Variants in TENM4 observed in about 807,000 individuals in gnomAD.
The protein encoded by TENM4 is teneurin transmembrane protein 4.
A neutral mutation model predicts 243.3 loss-of-function variants in TENM4; 82 were observed. The observed-to-expected ratio is 0.34, with a 90% confidence interval of 0.28 to 0.40. The LOEUF is 0.40. TENM4 is among the 10% of genes least tolerant of loss of function. The probability of loss-of-function intolerance (pLI) is 1.00; values close to 1 mark genes in which losing one functional copy is unlikely to be tolerated. For missense variants in TENM4, 3,138 were observed against 3,673.3 expected (o/e 0.85, Z 3.77); for synonymous variants, 1,412 against 1,456.3 (o/e 0.97, Z 0.69).
intron 6 of TENM4, among the ~76,000 whole-genome samples, chr11:78,929,841 C>T (rs775020781): frequency 1.1e-4 from 16 of 152,298 alleles, no homozygotes; most frequent in Middle Eastern, 6.8e-3. Flanking sequence ...AAAACAAAGC[C>T]TTCTCTGCTG....
chr11:79,413,066 A>G (rs1858736089), intron 1 of TENM4, among the ~76,000 whole-genome samples: 1 of 152,260 alleles, frequency 6.6e-6, no homozygotes, highest in Non-Finnish European at 1.5e-5. Context: ...AGGCCATCAA[A>G]TCAGGCTACT....
intron 2 of TENM4, among the ~76,000 whole-genome samples, chr11:79,229,729 T>G (rs1338352864): frequency 1.3e-5 from 2 of 152,230 alleles, no homozygotes; most frequent in Non-Finnish European, 2.9e-5. Context: ...TGGTCTGTTT[T>G]GTTTATTGCT....
rs191432800 is a variant in TENM4 at position 79,380,718 on chromosome 11, G to T, written c.-321+59791C>A. The stretch of plus-strand genomic sequence containing the variant: ...CGCTTTTGTAGCCAAGCACTCCAAG[G>T]ATGCTTGTTCCAGGAAACAGATTTT... On this transcript the variant is annotated intron_variant, in intron 1 of 33. Transcript: ENST00000278550. 2.8e-4 allele frequency among the ~76,000 whole-genome samples: 43 copies of T among 152,280 alleles called. No homozygotes were observed. In the East Asian group the frequency reaches 8.3e-3, roughly 29 times the overall value.
intron 6 of TENM4, among the ~76,000 whole-genome samples, chr11:78,969,137 G>C (rs537935984): frequency 3.9e-5 from 6 of 152,164 alleles, no homozygotes; most frequent in African/African-American, 1.4e-4. Flanking sequence ...TATTGATTTC[G>C]TCTGCCATCT....
At chr11:79,216,085 C>A (rs1203863714) in intron 2 of TENM4, among the ~76,000 whole-genome samples, 176 bp from the exon 3 acceptor site, 3 of 152,206 alleles carry the variant, frequency 2.0e-5, no homozygotes, top group Non-Finnish European at 2.9e-5. Context: ...CCTGCAAATC[C>A]CACACAGATG....
chr11:78,937,610 T>C (rs1856812808), intron 6 of TENM4, among the ~76,000 whole-genome samples: 1 of 152,194 alleles, frequency 6.6e-6, no homozygotes, highest in Admixed American at 6.5e-5. Flanking sequence ...AGGAGGCCAT[T>C]GGTTTGGACT....
chr11:79,316,478 G>A (rs776238378), intron 1 of TENM4, among the ~76,000 whole-genome samples: 4 of 152,174 alleles, frequency 2.6e-5, no homozygotes, highest in East Asian at 1.9e-4. Flanking sequence ...GCTAACAAGC[G>A]TACCCAGTTG....
At chr11:79,321,218 A>G (rs980551427) in intron 1 of TENM4, among the ~76,000 whole-genome samples, 3 of 152,106 alleles carry the variant, frequency 2.0e-5, no homozygotes, top group African/African-American at 7.2e-5. Context: ...ACACACCAGG[A>G]CTCCTGGATA....
chr11:78,672,009 T>TA, intron 31 of TENM4, 24 bp downstream of exon 31: 1 of 1,599,210 alleles, frequency 6.3e-7, no homozygotes, highest in Non-Finnish European at 8.5e-7. Flanking sequence ...GCAAGGCCAG[T>TA]GATGCAGGGA....
intron 25 of TENM4, among the ~76,000 whole-genome samples, chr11:78,715,321 G>A (rs1486719504): frequency 2.6e-5 from 4 of 152,150 alleles, no homozygotes; most frequent in Admixed American, 2.6e-4. Context: ...GCTCTGAGGC[G>A]GGGTGATTTT....
intron 2 of TENM4, among the ~76,000 whole-genome samples, chr11:79,216,182 G>T (rs1315940830): frequency 6.6e-6 from 1 of 152,156 alleles, no homozygotes; most frequent in East Asian, 1.9e-4. Context: ...TAATGGTCTT[G>T]CCTTAAAATA....
chr11:79,033,052 T>C (rs1027556407), intron 6 of TENM4, among the ~76,000 whole-genome samples: 1 of 152,120 alleles, frequency 6.6e-6, no homozygotes, highest in Non-Finnish European at 1.5e-5. Context: ...CTGGAGACTG[T>C]TCCTGCAGCA....
chr11:78,815,215 A>G (rs1345421842), intron 12 of TENM4, among the ~76,000 whole-genome samples: 1 of 152,026 alleles, frequency 6.6e-6, no homozygotes, highest in Non-Finnish European at 1.5e-5. Flanking sequence ...GTGAATCCCC[A>G]TCTCTACTAA....
intron 24 of TENM4, among the ~76,000 whole-genome samples, chr11:78,720,835 T>A (rs1859631072): frequency 6.6e-6 from 1 of 151,708 alleles, no homozygotes; most frequent in Non-Finnish European, 1.5e-5. Context: ...CACAATAGAA[T>A]ACAGAATTGG....
At chr11:78,785,054 TG>T (rs67978478) in intron 16 of TENM4, among the ~76,000 whole-genome samples, 74,356 of 131,840 alleles carry the variant, frequency 0.56, 21,469 homozygotes, top group Non-Finnish European at 0.68. Context: ...TTTCTGTTTT[TG>T]TTTTTTTTTT....
intron 12 of TENM4, among the ~76,000 whole-genome samples, chr11:78,834,148 T>A (rs1184101982): frequency 6.6e-6 from 1 of 152,218 alleles, no homozygotes; most frequent in Non-Finnish European, 1.5e-5. Context: ...ACACCTCCCC[T>A]TCCATTTATC....
chr11:78,947,993 C>G (rs368824595), intron 6 of TENM4, among the ~76,000 whole-genome samples: 2 of 152,168 alleles, frequency 1.3e-5, no homozygotes, highest in Admixed American at 1.3e-4. Context: ...AGCACCCAAT[C>G]TCACCCGTCC....
chr11:79,207,052 T>C (rs754759459), intron 3 of TENM4, among the ~76,000 whole-genome samples: 2 of 151,906 alleles, frequency 1.3e-5, no homozygotes, highest in Non-Finnish European at 2.9e-5. Flanking sequence ...GCCCAGAGAA[T>C]GGTGACATAT....
intron 9 of TENM4, among the ~76,000 whole-genome samples, chr11:78,884,972 C>A (rs187767045): frequency 1.3e-5 from 2 of 150,928 alleles, no homozygotes; most frequent in Non-Finnish European, 3.0e-5. Context: ...CAGAAGGGCA[C>A]GTGGACAGCA....
Sources: allele counts gnomAD v4.1 joint callset (sites outside exome capture counted in the v4.1 genomes callset), GRCh38; gene constraint gnomAD v4.1.1; transcripts MANE v1.5; gene names NCBI Gene and HGNC (gene_info 2026-07-23, HGNC 2026-07-21).